AHNAK2: variants seen among roughly 807,000 people sequenced by gnomAD.
The protein encoded by AHNAK2 is AHNAK nucleoprotein 2, also known as protein AHNAK2.
Under a neutral mutation model 30.7 loss-of-function variants are expected in AHNAK2, and 18 were observed. The observed-to-expected ratio is 0.59, with a 90% CI of 0.41 to 0.87. AHNAK2 has a LOEUF of 0.87. AHNAK2 is among the 40% of genes least tolerant of loss of function. The pLI is 0.00. For missense variants in AHNAK2, 8,604 were observed against 7,373.0 expected (o/e 1.17, Z -6.11); for synonymous variants, 3,590 against 3,073.8 (o/e 1.17, Z -5.56).
chr14:104,961,003 C>T lies in AHNAK2; in HGVS notation c.56-3331G>A, dbSNP rs1053747998. ...AACATTAGCTGGGCAGGGTGGTGCA[C>T]GTCTGTAATCCCAGCTACTCAAGAA... is the stretch of plus-strand genomic sequence containing the variant. On this transcript the variant is annotated intron_variant, in intron 1 of 6. Transcript: ENST00000333244. Among the ~76,000 whole-genome samples the T allele has an allele frequency of 9.2e-5, 14 of 151,736 alleles. No homozygotes were observed. In the East Asian group the frequency reaches 1.2e-3, roughly 13 times the overall value.
Position 104,946,497 on chromosome 14 carries a change from A to C in AHNAK2, c.8954T>G (p.Met2985Arg), listed in dbSNP as rs774799536. The change falls in exon 7 of 7, where the codon ATG (methionine) becomes AGG (arginine). Residue 2985 changes from methionine to arginine, a missense_variant. Transcript: ENST00000333244. ...DSKFKMPKFKMPSFGVSAPGK... is the reference protein window; with the variant it reads ...DSKFKMPKFKRPSFGVSAPGK... ...TGGGGCAGACACCCCGAACGACGGCATCTTGAACTTGGGCATTTTGAACTT... is the reference window on the plus strand; with the variant it reads ...TGGGGCAGACACCCCGAACGACGGCCTCTTGAACTTGGGCATTTTGAACTT... 1 of 1,611,362 alleles carries C rather than the reference A, an allele frequency of 6.2e-7. No homozygotes were observed. The highest frequency in any genetic ancestry group is 1.4e-5 in the African/African-American group (1 of 74,052).
rs151079485 is a variant in AHNAK2, at chr14:104,976,006, C to A, written c.55+2177G>T. 6.5e-3 allele frequency among the ~76,000 whole-genome samples: 993 copies of A among 152,284 alleles called. 8 individuals are homozygous for A. The highest frequency in any genetic ancestry group is 0.014 in the South Asian group (69 of 4,820). ...AGAAGAGACCACCCACACATCTTCG[C>A]ATGGTATCACCACCTGGGGCCTTCC... is the stretch of plus-strand genomic sequence containing the variant. On this transcript the variant is annotated intron_variant, in intron 1 of 6. Coordinates refer to ENST00000333244, the MANE Select transcript of AHNAK2 (RefSeq NM_138420.4).
intron 1 of AHNAK2, among the ~76,000 whole-genome samples, chr14:104,975,788 G>C (rs966237890): frequency 2.0e-4 from 30 of 152,204 alleles, no homozygotes; most frequent in African/African-American, 7.2e-4. Context: ...GGCATCCCTG[G>C]CTGCGTGGAG....
In AHNAK2 at chr14:104,942,975, G is replaced by A. The variant is rs1474682725; in HGVS notation, c.12476C>T (p.Ser4159Phe). The A allele has an allele frequency of 1.2e-6, 2 of 1,613,302 alleles. No individual in the cohort carries two copies. Among genetic ancestry groups the A allele is most frequent in the Non-Finnish European group, 1.7e-6 (2 of 1,179,624 alleles). The change falls in exon 7 of 7, where the codon TCT becomes TTT. Residue 4159 changes from serine (S) to phenylalanine (F), a missense_variant. Transcript: ENST00000333244. ...GKSMEASVDV[S>F]ELKAKADVSL... ...CACGTCGGCTTTCGCCTTCAGCTCA[G>A]ACACATCCACGGACGCCTCCATGGA...
rs773390157 is a variant in AHNAK2 at position 104,946,462 on chromosome 14, T to C, written c.8989A>G (p.Ile2997Val). ...GCAGACACATCCACCGAGACCTCAA[T>C]GGACTTGCCTGGGGCAGACACCCCG... ...SFGVSAPGKSIEVSVDVSAPK... is the reference protein window; with the variant it reads ...SFGVSAPGKSVEVSVDVSAPK... Residue 2997 changes from isoleucine (I) to valine (V), a missense_variant, in exon 7 of 7, where the codon ATT (isoleucine) becomes GTT (valine). By Grantham distance (29) the Ile-to-Val change is conservative. Transcript: ENST00000333244. 1.9e-6 allele frequency: 3 copies of C among 1,612,086 alleles called. No individual in the cohort carries two copies. The highest frequency in any genetic ancestry group is 1.3e-5 in the African/African-American group (1 of 74,318).
intron 1 of AHNAK2, among the ~76,000 whole-genome samples, chr14:104,968,037 C>T (rs946644004): frequency 5.9e-5 from 9 of 152,222 alleles, no homozygotes; most frequent in African/African-American, 2.2e-4. Context: ...CACCAAAGCC[C>T]CACTTCACAG....
Position 104,949,658 on chromosome 14 carries a change from G to C in AHNAK2, c.5793C>G (p.Ala1931=). Residue 1931 remains alanine (A), a synonymous_variant, in exon 7 of 7, where the codon GCC becomes GCG. Transcript: ENST00000333244. ...CCTTGGGGCCTTTCAGGTCCAGCTT[G>C]GCGCCCTTAACATCTGTCTGGGGGC... is the stretch of plus-strand genomic sequence containing the variant. ...LKGPQTDVKG[A]KLDLKGPKAE... is the part of the protein sequence containing the mutation. 1 of 1,587,874 alleles carries C rather than the reference G, an allele frequency of 6.3e-7. No homozygotes were observed. Among genetic ancestry groups the C allele is most frequent in the Non-Finnish European group, 8.6e-7 (1 of 1,163,044 alleles).
Position 104,942,338 on chromosome 14 carries a change from C to A in AHNAK2, c.13113G>T (p.Val4371=). ...QEDVKLPEGP[V]HEGAGLKGHL... ...GCCCTTTGAGGCCGGCTCCCTCATG[C>A]ACAGGGCCCTCTGGGAGTTTCACAT... Residue 4371 remains valine, a synonymous_variant, in exon 7 of 7, where the codon GTG becomes GTT. Transcript: ENST00000333244. 1 of 1,613,250 alleles carries A rather than the reference C, an allele frequency of 6.2e-7. No homozygotes were observed. The highest frequency in any genetic ancestry group is 8.5e-7 in the Non-Finnish European group (1 of 1,179,810).
At chr14:104,958,553 G>T (rs977358106) in intron 1 of AHNAK2, among the ~76,000 whole-genome samples, 17 of 152,036 alleles carry the variant, frequency 1.1e-4, no homozygotes, top group African/African-American at 4.1e-4. Flanking sequence ...ATCTCATAAA[G>T]AAATAAAACT....
At chr14:104,974,207 G>A (rs1047081976) in intron 1 of AHNAK2, among the ~76,000 whole-genome samples, 7 of 152,356 alleles carry the variant, frequency 4.6e-5, no homozygotes, top group East Asian at 3.9e-4. Context: ...CCCTTAGAGC[G>A]GGTGGAGGGG....
At position 104,938,915 on chromosome 14, in the gene AHNAK2, T is replaced by A; in HGVS notation, c.16536A>T (p.Gln5512His). Residue 5512 changes from glutamine to histidine, a missense_variant, in exon 7 of 7, where the codon CAA (glutamine) becomes CAT (histidine). Physicochemically the swap from Gln to His is conservative, Grantham distance 24. Coordinates refer to ENST00000333244, the MANE Select transcript of AHNAK2 (RefSeq NM_138420.4). The part of the protein sequence containing the change: ...RESEIPTSEI[Q>H]TPSYGFSLLK... Reference sequence around the variant, plus strand: ...ATAAGGAAAATCCGTACGAAGGTGTTTGAATCTCTGACGTGGGGATCTCTG... The same window carrying A: ...ATAAGGAAAATCCGTACGAAGGTGTATGAATCTCTGACGTGGGGATCTCTG... 1 of 1,613,666 alleles carries A rather than the reference T, an allele frequency of 6.2e-7. No homozygotes were observed. Among genetic ancestry groups the A allele is most frequent in the Non-Finnish European group, 8.5e-7 (1 of 1,179,862 alleles).
rs117538559 is a variant in AHNAK2 at position 104,952,887 on chromosome 14, G to A, written c.2564C>T (p.Ser855Leu). Residue 855 changes from serine (S) to leucine (L), a missense_variant, in exon 7 of 7, where the codon TCG (serine) becomes TTG (leucine). Physicochemically the swap from Ser to Leu is moderately radical, Grantham distance 145. Transcript: ENST00000333244. ...CACCTTCGGCGCAGACACATCCACCGAGTCCTCCATGGACTTGCCTGGGGC... is the reference window on the plus strand; with the variant it reads ...CACCTTCGGCGCAGACACATCCACCAAGTCCTCCATGGACTTGCCTGGGGC... ...VSAPGKSMED[S>L]VDVSAPKVEA... is the part of the protein sequence containing the mutation. 0.017 allele frequency: 28,158 copies of A among 1,611,970 alleles called. 317 individuals carry two copies. The highest frequency in any genetic ancestry group is 0.021 in the Non-Finnish European group (24,351 of 1,179,418).
At position 104,941,797 on chromosome 14, in the gene AHNAK2, GC is replaced by G. The variant is rs1314413771; in HGVS notation, c.13653del (p.Met4551IlefsTer25). On this transcript the variant is annotated frameshift_variant, in exon 7 of 7. Coordinates refer to ENST00000333244, the MANE Select transcript of AHNAK2 (RefSeq NM_138420.4). LOFTEE classifies it low-confidence loss of function (END_TRUNC). ...GLKGHLPKVE[M>X]PSFKMPKVDL... The stretch of plus-strand genomic sequence containing the variant: ...TCCACTTTGGGCATCTTGAAACTGG[GC>G]ATCTCCACCTTGGGCAGGTGCCCTT... 1.2e-6 allele frequency: 2 copies of G among 1,613,442 alleles called. No homozygotes were observed. Among genetic ancestry groups the G allele is most frequent in the African/African-American group, 2.7e-5 (2 of 74,826 alleles).
rs201926627 is a variant in AHNAK2 at position 104,940,780 on chromosome 14, G to A, written c.14671C>T (p.Pro4891Ser). ...EGDLHAAVGA[P>S]VMSPLSPGER... ...CCAGGGCTAAGAGGAGACATGACTG[G>A]GGCACCCACTGCTGCATGTAGGTCT... The change falls in exon 7 of 7, where the codon CCA becomes TCA. Residue 4891 changes from proline to serine, a missense_variant. Transcript: ENST00000333244. The surrounding 1 kb of genome is among the most constrained non-coding windows in gnomAD (Gnocchi z 4.4). 19 of 1,612,928 alleles carry A rather than the reference G, an allele frequency of 1.2e-5. No homozygotes were observed. The Admixed American group carries it at 2.5e-4, about 21-fold the overall frequency.
chr14:104,963,174 C>A (rs1056767919), intron 1 of AHNAK2, among the ~76,000 whole-genome samples: 1 of 152,162 alleles, frequency 6.6e-6, no homozygotes, highest in African/African-American at 2.4e-5. Context: ...ACAGACATTT[C>A]ACAAAAGAAG....
At position 104,953,085 on chromosome 14, in the gene AHNAK2, G is replaced by C; in HGVS notation, c.2366C>G (p.Ala789Gly). ...GGACAGAGACATCTTCACATCGGGG[G>C]CTGTCACTTCCGCCTTGGGGCCTTT... ...DLKGPKAEVTAPDVKMSLSSM... is the reference protein window; with the variant it reads ...DLKGPKAEVTGPDVKMSLSSM... Residue 789 changes from alanine to glycine, a missense_variant, in exon 7 of 7, where the codon GCC (alanine) becomes GGC (glycine). Physicochemically the swap from Ala to Gly is moderately conservative, Grantham distance 60. Transcript: ENST00000333244. 1.9e-6 allele frequency: 3 copies of C among 1,613,084 alleles called. No homozygotes were observed. Among genetic ancestry groups the C allele is most frequent in the Non-Finnish European group, 2.5e-6 (3 of 1,179,700 alleles).
Position 104,937,805 on chromosome 14 carries a change from T to G in AHNAK2, c.*258A>C. 6.5e-6 allele frequency: 3 copies of G among 458,938 alleles called. No individual in the cohort carries two copies. Among genetic ancestry groups the G allele is most frequent in the African/African-American group, 2.0e-5 (1 of 50,856 alleles). The allele number at this position is 458,938 out of a possible 1,614,324, so 28.4% of individuals were successfully genotyped here. On this transcript the variant is annotated 3_prime_UTR_variant, in exon 7 of 7. Coordinates refer to ENST00000333244, the MANE Select transcript of AHNAK2 (RefSeq NM_138420.4). ...TCCCCAGCAGTGCCTCTGAGTACCG[T>G]GTGAATTCTGGTGTCTTGTGGAAGT...
chr14:104,964,671 T>A (rs1487896558), intron 1 of AHNAK2, among the ~76,000 whole-genome samples: 1 of 152,084 alleles, frequency 6.6e-6, no homozygotes, highest in South Asian at 2.1e-4. Flanking sequence ...AAACACAAGG[T>A]TGAGACACAG....
rs2894635 is a variant in AHNAK2 at position 104,950,888 on chromosome 14, C to T, written c.4563G>A (p.Pro1521=). 1.9e-4 allele frequency: 287 copies of T among 1,540,196 alleles called. 14 individuals are homozygous for T. In the African/African-American group the frequency reaches 2.2e-3, roughly 12 times the overall value. The part of the protein sequence containing the change: ...SIEASVDVSA[P]KVEADVSLPS... ...GGAGGCTCACGTCGGCCTCCACCTT[C>T]GGCGCAGACACATCCACTGAGGCCT... The change falls in exon 7 of 7, where the codon CCG becomes CCA. Residue 1521 remains proline (P), a synonymous_variant. Coordinates refer to ENST00000333244, the MANE Select transcript of AHNAK2 (RefSeq NM_138420.4).
Sources: allele counts gnomAD v4.1 joint callset (sites outside exome capture counted in the v4.1 genomes callset), GRCh38; gene constraint gnomAD v4.1.1; non-coding constraint Gnocchi (gnomAD v3.1); transcripts MANE v1.5; gene names NCBI Gene and HGNC (gene_info 2026-07-23, HGNC 2026-07-21).